Variants in AR observed in about 807,000 individuals in gnomAD.
AR encodes the protein androgen receptor, also known as dihydrotestosterone receptor.
A neutral mutation model predicts 53.9 loss-of-function variants in AR; 8 were observed. The observed-to-expected ratio is 0.15, with a 90% CI of 0.09 to 0.27. AR has a LOEUF of 0.27. Among genes scored for constraint, AR ranks in the 10% least tolerant of loss-of-function variants. AR has a pLI of 1.00. For missense variants in AR, 639 were observed against 742.5 expected, an observed-to-expected ratio of 0.86 and a Z score of 1.62; for synonymous variants, 359 against 316.4, an observed-to-expected ratio of 1.13 and a Z score of -1.43.
intron 3 of AR, among the ~76,000 whole-genome samples, chrX:67,690,610 AC>A (rs1477545727): frequency 2.7e-5 from 3 of 111,518 alleles, no homozygotes; most frequent in Non-Finnish European, 5.7e-5. Flanking sequence ...TCATCCATTT[AC>A]TCACCTATTT....
chrX:67,681,851 T>C (rs1287772049), intron 2 of AR, among the ~76,000 whole-genome samples: 1 of 112,254 alleles, frequency 8.9e-6, no homozygotes, highest in Non-Finnish European at 1.9e-5. Context: ...CTGAGATTTG[T>C]AACCTTATGG....
At position 67,593,364 on chromosome X, in the gene AR, C is replaced by CT. The variant is rs796811977; in HGVS notation, c.1616+46611dup. On this transcript the variant is annotated intron_variant, in intron 1 of 7. Transcript: ENST00000374690. ...AGTTTTCTTTTCTTTTTTTTTTTTTCTTTTTTTTTGAGACAGAGTCTTGCT... is the reference window on the plus strand; with the variant it reads ...AGTTTTCTTTTCTTTTTTTTTTTTTCTTTTTTTTTTGAGACAGAGTCTTGCT... 5.9e-4 allele frequency among the ~76,000 whole-genome samples: 47 copies of CT among 79,048 alleles called. No homozygotes were observed. The East Asian group carries it at 0.012, about 20-fold the overall frequency. The allele number at this position is 79,048 out of a possible 115,157, so 68.6% of individuals were successfully genotyped here.
chrX:67,602,245 G>C (rs1359733329), intron 1 of AR, among the ~76,000 whole-genome samples: 1 of 111,949 alleles, frequency 8.9e-6, no homozygotes, highest in Non-Finnish European at 1.9e-5. Flanking sequence ...CCCGGACTGA[G>C]TTTTTATGCT....
chrX:67,722,246 G>A (rs1352961831), intron 6 of AR: 6 of 311,549 alleles, frequency 1.9e-5, no homozygotes, highest in Non-Finnish European at 3.4e-5. Context: ...GGTTACAGCA[G>A]GTCTCTGAAT....
At chrX:67,603,894 A>G (rs1307607858) in intron 1 of AR, among the ~76,000 whole-genome samples, 2 of 110,822 alleles carry the variant, frequency 1.8e-5, no homozygotes, top group African/African-American at 6.6e-5. Context: ...GAAGACAGAA[A>G]ATGTTTTAGA....
intron 1 of AR, among the ~76,000 whole-genome samples, chrX:67,598,934 G>A (rs1048933797): frequency 1.8e-5 from 2 of 111,290 alleles, no homozygotes; most frequent in African/African-American, 6.5e-5. Flanking sequence ...GAGCTATCTA[G>A]ATCCATTCCT....
At chrX:67,636,126 T>C (rs1299656202) in intron 1 of AR, among the ~76,000 whole-genome samples, 1 of 111,539 alleles carries the variant, frequency 9.0e-6, no homozygotes, top group Non-Finnish European at 1.9e-5. Context: ...GAATGGAAGC[T>C]CTGTGAAGGC....
At position 67,722,146 on chromosome X, in the gene AR, G is replaced by A. The variant is rs992659531; in HGVS notation, c.2449+183G>A. The stretch of plus-strand genomic sequence containing the variant: ...TTTTCCTAACAAGAAACAATTTCAT[G>A]ACTAGAAGCCAATTTATTTGCTAGA... On this transcript the variant is annotated intron_variant, in intron 6 of 7. Transcript: ENST00000374690. 1.1e-5 allele frequency: 6 copies of A among 524,427 alleles called. No individual in the cohort carries two copies. In the Admixed American group the frequency reaches 1.7e-4, roughly 15 times the overall value. 43.2% of individuals were successfully genotyped at this position (524,427 alleles called of 1,213,427 possible).
intron 1 of AR, among the ~76,000 whole-genome samples, chrX:67,548,432 A>G (rs899915491): frequency 1.8e-5 from 2 of 111,925 alleles, no homozygotes; most frequent in African/African-American, 6.5e-5. Context: ...TCTTCATTTT[A>G]TAAGAACAAA....
chrX:67,564,370 A>T (rs896218609), intron 1 of AR, among the ~76,000 whole-genome samples: 6 of 111,420 alleles, frequency 5.4e-5, no homozygotes, highest in Non-Finnish European at 1.1e-4. Flanking sequence ...TCTGGAGAGC[A>T]TCTACTAAGC....
intron 1 of AR, among the ~76,000 whole-genome samples, chrX:67,603,289 AGAG>A (rs1386080434): frequency 1.8e-5 from 2 of 111,853 alleles, no homozygotes; most frequent in East Asian, 5.7e-4. Context: ...GACAGTATAA[AGAG>A]GAAAGGAATC....
At chrX:67,663,529 C>G (rs1398917115) in intron 2 of AR, among the ~76,000 whole-genome samples, 5 of 112,306 alleles carry the variant, frequency 4.5e-5, no homozygotes, top group Admixed American at 1.9e-4. Flanking sequence ...TGTGGGGAAC[C>G]TGACCTGTTT....
chrX:67,621,176 C>T (rs1458069437), intron 1 of AR, among the ~76,000 whole-genome samples: 1 of 111,409 alleles, frequency 9.0e-6, no homozygotes, highest in Non-Finnish European at 1.9e-5. Context: ...TCAGACTTGC[C>T]TCTGAATAAC....
At chrX:67,658,548 C>T (rs1452053534) in intron 2 of AR, among the ~76,000 whole-genome samples, 2 of 111,856 alleles carry the variant, frequency 1.8e-5, no homozygotes, top group Admixed American at 1.9e-4. Context: ...CACCCTCAAA[C>T]TCCTGGACTC....
At chrX:67,706,075 G>A (rs1025753838) in intron 3 of AR, among the ~76,000 whole-genome samples, 1 of 111,763 alleles carries the variant, frequency 8.9e-6, no homozygotes, top group Admixed American at 9.5e-5. Flanking sequence ...TTTTTGCATC[G>A]ATATTCATCA....
At chrX:67,675,855 T>C (rs113135530) in intron 2 of AR, among the ~76,000 whole-genome samples, 6,651 of 111,290 alleles carry the variant, frequency 0.06, 508 homozygotes, top group African/African-American at 0.21. Flanking sequence ...TGCTGGAGGC[T>C]TCTCTTTGGC....
chrX:67,704,899 G>C (rs2076058959), intron 3 of AR, among the ~76,000 whole-genome samples: 2 of 111,713 alleles, frequency 1.8e-5, no homozygotes, highest in East Asian at 2.8e-4. Context: ...TTGTTAAATA[G>C]GGAATCTTTT....
At chrX:67,641,854 T>G (rs974691263) in intron 1 of AR, among the ~76,000 whole-genome samples, 8 of 68,831 alleles carry the variant, frequency 1.2e-4, no homozygotes, top group Non-Finnish European at 2.5e-4. Context: ...GAGGATAACC[T>G]TTCATGTTTT....
chrX:67,699,554 G>T (rs1032093431), intron 3 of AR, among the ~76,000 whole-genome samples: 1 of 111,518 alleles, frequency 9.0e-6, no homozygotes, highest in African/African-American at 3.3e-5. Context: ...GGTACATCAA[G>T]AATAGCCACC....
Sources: gnomAD v4.1 joint callset for allele counts (sites outside exome capture counted in the v4.1 genomes callset) on GRCh38, gnomAD v4.1.1 for gene constraint, MANE v1.5 for transcripts, NCBI Gene and HGNC (gene_info 2026-07-23, HGNC 2026-07-21) for gene names.